The following FNTA variants were observed in gnomAD, a reference collection of about 807,000 sequenced individuals.
The protein encoded by FNTA is protein farnesyltransferase/geranylgeranyltransferase type-1 subunit alpha.
FNTA carries 27 observed loss-of-function variants against 55.2 expected under a neutral mutation model. The ratio of observed to expected loss-of-function variants is 0.49; its 90% CI spans 0.36 to 0.67. FNTA has a LOEUF of 0.67. Ranked by LOEUF, FNTA falls within the 30% of genes least tolerant of loss-of-function variation. FNTA has a pLI of 0.00. For synonymous variants in FNTA, 176 were observed against 170.7 expected, an observed-to-expected ratio of 1.03 and a Z score of -0.24; for missense variants, 422 against 464.7, an observed-to-expected ratio of 0.91 and a Z score of 0.85.
At chr8:43,066,848 C>G (rs1810672999) in intron 3 of FNTA, among the ~76,000 whole-genome samples, 1 of 152,082 alleles carries the variant, frequency 6.6e-6, no homozygotes, top group Non-Finnish European at 1.5e-5. Context: ...GTATTTAAGT[C>G]TTTTCTCTTG....
chr8:43,072,060 A>G (rs530819507), intron 4 of FNTA, 121 bp from the exon 5 acceptor site: 1 of 661,968 alleles, frequency 1.5e-6, no homozygotes, highest in South Asian at 3.9e-5. Context: ...GAGTGTTAAG[A>G]ATTAGAGATG....
At chr8:43,078,352 T>A (rs1195279150) in intron 6 of FNTA, 2 of 152,176 alleles carry the variant, frequency 1.3e-5, no homozygotes, top group African/African-American at 2.4e-5. Flanking sequence ...TTGTTTGTTT[T>A]TTGTTTTTTT....
intron 5 of FNTA, among the ~76,000 whole-genome samples, chr8:43,076,154 T>C (rs1810908468): frequency 6.6e-6 from 1 of 152,040 alleles, no homozygotes; most frequent in African/African-American, 2.4e-5. Context: ...AGCGATTCTC[T>C]TGCCTCAGCC....
At chr8:43,066,961 G>A (rs1261779068) in intron 3 of FNTA, among the ~76,000 whole-genome samples, 5 of 152,182 alleles carry the variant, frequency 3.3e-5, no homozygotes, top group Admixed American at 6.6e-5. Flanking sequence ...TGGTAGGAGA[G>A]TCTCACTGTT....
At chr8:43,068,017 A>G (rs1164790647) in intron 3 of FNTA, among the ~76,000 whole-genome samples, 4 of 152,200 alleles carry the variant, frequency 2.6e-5, no homozygotes, top group Non-Finnish European at 5.9e-5. Context: ...CTCCTGCCTC[A>G]GTCTCCCGAG....
At chr8:43,076,675 C>G (rs1416324787) in intron 5 of FNTA, 1 of 152,110 alleles carries the variant, frequency 6.6e-6, no homozygotes, top group African/African-American at 2.4e-5. Flanking sequence ...GTTGGGAGTT[C>G]AAGACCAGCC....
chr8:43,084,281 A>G (rs1173046485), intron 7 of FNTA, among the ~76,000 whole-genome samples: 1 of 143,258 alleles, frequency 7.0e-6, no homozygotes, highest in Non-Finnish European at 1.5e-5. Flanking sequence ...GGGCAGTGGC[A>G]TGATCGTGGC....
chr8:43,065,474 T>A (rs2130549122), intron 3 of FNTA, among the ~76,000 whole-genome samples: 2 of 152,254 alleles, frequency 1.3e-5, no homozygotes, highest in Non-Finnish European at 2.9e-5. Flanking sequence ...CTCGACCTCC[T>A]GACCTCGGGT....
chr8:43,072,147 A>G, intron 4 of FNTA, 34 bp from the exon 5 acceptor site: 2 of 1,425,280 alleles, frequency 1.4e-6, no homozygotes, highest in Non-Finnish European at 1.9e-6. Context: ...TGGGTAAATT[A>G]ACAAAAAACT....
In FNTA at chr8:43,058,654, T is replaced by C. The variant is rs182252551; in HGVS notation, c.201-438T>C. Among the ~76,000 whole-genome samples the C allele has an allele frequency of 2.5e-3, 381 of 151,920 alleles. 2 individuals carry two copies. Among genetic ancestry groups the C allele is most frequent in the South Asian group, 0.011 (53 of 4,794 alleles). On this transcript the variant is annotated intron_variant, in intron 1 of 8. Coordinates refer to ENST00000302279, the MANE Select transcript of FNTA (RefSeq NM_002027.3). ...GCTTGGTGGCGCCCGCCTGTAGTCC[T>C]TAGTCCCAGCTACTCGGGAGGCTGA... is the stretch of plus-strand genomic sequence containing the variant.
chr8:43,064,226 C>A lies in FNTA; in HGVS notation c.401+11C>A, dbSNP rs1234162151. 1.8e-5 allele frequency: 27 copies of A among 1,468,264 alleles called. No homozygotes were observed. The highest frequency in any genetic ancestry group is 2.6e-5 in the Non-Finnish European group (27 of 1,047,762). The allele number at this position is 1,468,264 out of a possible 1,614,324, so 91.0% of individuals were successfully genotyped here. Reference sequence around the variant, plus strand: ...CAATTATACAGTGTGGTAAGTAATACACATCATCAGTATTCCCTGCTTAAA... The same window carrying A: ...CAATTATACAGTGTGGTAAGTAATAAACATCATCAGTATTCCCTGCTTAAA... On this transcript the variant is annotated intron_variant, in intron 3 of 8. Coordinates refer to ENST00000302279, the MANE Select transcript of FNTA (RefSeq NM_002027.3).
At chr8:43,069,718 C>T (rs1810744151) in intron 4 of FNTA, 59 bp downstream of exon 4, 5 of 1,006,600 alleles carry the variant, frequency 5.0e-6, no homozygotes, top group South Asian at 1.3e-5. Flanking sequence ...GACCTCGGCT[C>T]ACTGCAGCCT....
At chr8:43,059,757 A>G (rs1008995016) in intron 2 of FNTA, among the ~76,000 whole-genome samples, 4 of 152,140 alleles carry the variant, frequency 2.6e-5, no homozygotes, top group African/African-American at 7.2e-5. Context: ...TTATGTATAT[A>G]TATTTCTTTC....
At chr8:43,072,922 A>G (rs1356459577) in intron 5 of FNTA, among the ~76,000 whole-genome samples, 1 of 152,212 alleles carries the variant, frequency 6.6e-6, no homozygotes, top group Non-Finnish European at 1.5e-5. Flanking sequence ...ACAAAGGCAT[A>G]TTATACATTT....
chr8:43,069,372 G>C (rs866701809), intron 3 of FNTA, among the ~76,000 whole-genome samples, 183 bp from the exon 4 acceptor site: 1 of 151,206 alleles, frequency 6.6e-6, no homozygotes. Flanking sequence ...TGCACACCTC[G>C]GCCTCCCAAA....
intron 5 of FNTA, among the ~76,000 whole-genome samples, chr8:43,075,444 TA>T (rs1810888686): frequency 6.6e-6 from 1 of 152,174 alleles, no homozygotes; most frequent in African/African-American, 2.4e-5. Flanking sequence ...AAGTTTTTTT[TA>T]TCATTTTCCT....
intron 2 of FNTA, chr8:43,063,203 C>G (rs1205064630): frequency 1.5e-5 from 7 of 453,178 alleles, no homozygotes; most frequent in Non-Finnish European, 3.1e-5. Context: ...ACCTCTGCCT[C>G]CCGAGTAGCT....
intron 5 of FNTA, among the ~76,000 whole-genome samples, chr8:43,075,434 A>G (rs1382964732): frequency 6.6e-6 from 1 of 151,258 alleles, no homozygotes; most frequent in Non-Finnish European, 1.5e-5. Context: ...AATTATTTAT[A>G]AGTTTTTTTT....
intron 5 of FNTA, chr8:43,073,677 T>TA (rs1247658702): frequency 6.6e-6 from 1 of 151,932 alleles, no homozygotes; most frequent in Non-Finnish European, 1.5e-5. Flanking sequence ...AAAAAAAAAT[T>TA]ATGTGAGTCA....
Sources: allele counts gnomAD v4.1 joint callset (sites outside exome capture counted in the v4.1 genomes callset), GRCh38; gene constraint gnomAD v4.1.1; transcripts MANE v1.5; gene names NCBI Gene and HGNC (gene_info 2026-07-23, HGNC 2026-07-21).